KIF26B: variants seen among roughly 807,000 people sequenced by gnomAD.
KIF26B encodes kinesin family member 26B, also known as kinesin-like protein KIF26B.
KIF26B carries 63 observed loss-of-function variants against 151.2 expected under a neutral mutation model. The observed-to-expected ratio is 0.42, with a 90% CI of 0.34 to 0.51. The LOEUF (loss-of-function observed/expected upper bound fraction) is 0.51. Among genes scored for constraint, KIF26B ranks in the 20% least tolerant of loss-of-function variants. The pLI, the probability that KIF26B is intolerant of heterozygous loss-of-function variation, is 0.07. For missense variants in KIF26B, 2,813 were observed against 2,913.6 expected (o/e 0.97, Z 0.79); for synonymous variants, 1,357 against 1,262.1 (o/e 1.08, Z -1.59).
At chr1:245,472,228 G>A (rs148732942) in intron 4 of KIF26B, among the ~76,000 whole-genome samples, 123 of 152,322 alleles carry the variant, frequency 8.1e-4, no homozygotes, top group African/African-American at 2.8e-3. Context: ...TATGTGAGAC[G>A]TACAGAAACA....
chr1:245,622,543 C>T (rs1378058641), intron 9 of KIF26B, among the ~76,000 whole-genome samples: 1 of 152,204 alleles, frequency 6.6e-6, no homozygotes, highest in East Asian at 1.9e-4. Flanking sequence ...TGCAATGGTC[C>T]AGACACACGC....
At chr1:245,685,007 G>A (rs901965281) in intron 11 of KIF26B, among the ~76,000 whole-genome samples, 4 of 152,202 alleles carry the variant, frequency 2.6e-5, no homozygotes, top group Non-Finnish European at 5.9e-5. Flanking sequence ...CAGTGGCAGG[G>A]GCAGCTGCTG....
At chr1:245,634,991 G>A (rs968728238) in intron 9 of KIF26B, among the ~76,000 whole-genome samples, 3 of 151,868 alleles carry the variant, frequency 2.0e-5, no homozygotes, top group African/African-American at 7.3e-5. Context: ...GTAGGAGTAA[G>A]CCACCATGCC....
At chr1:245,691,050 G>A (rs886434786) in intron 12 of KIF26B, among the ~76,000 whole-genome samples, 4 of 152,196 alleles carry the variant, frequency 2.6e-5, no homozygotes, top group East Asian at 1.9e-4. Flanking sequence ...CATCGGCTGC[G>A]TGGCCACGTG....
rs758350105 is a variant in KIF26B at position 245,367,027 on chromosome 1, C to T, written c.659C>T (p.Ser220Phe). The T allele has an allele frequency of 2.5e-6, 4 of 1,611,128 alleles. No individual in the cohort carries two copies. The highest frequency in any genetic ancestry group is 1.3e-5 in the African/African-American group (1 of 74,970). Residue 220 changes from serine to phenylalanine, a missense_variant, in exon 3 of 15, where the codon TCC becomes TTC. By Grantham distance (155) the Ser-to-Phe change is radical. This residue lies in a region of KIF26B where 676 missense variants were observed against 688.1 expected (regional missense o/e 0.98). Transcript: ENST00000407071. This position sits in a 1 kb window ranked among gnomAD's most constrained non-coding sequence, Gnocchi z 4.2. ...GAGCACTACGACGCCTCGCCCTGCTCCCCGCCACCGCTCTCCAACATCCCC... is the reference window on the plus strand; with the variant it reads ...GAGCACTACGACGCCTCGCCCTGCTTCCCGCCACCGCTCTCCAACATCCCC... ...GSEHYDASPC[S>F]PPPLSNIPTL... is the part of the protein sequence containing the mutation.
intron 4 of KIF26B, among the ~76,000 whole-genome samples, chr1:245,489,753 C>T (rs1410198436): frequency 6.6e-6 from 1 of 152,130 alleles, no homozygotes; most frequent in Non-Finnish European, 1.5e-5. Flanking sequence ...TTAATATGGG[C>T]CAGAACACTT....
chr1:245,614,374 C>T (rs2043561922), intron 9 of KIF26B, among the ~76,000 whole-genome samples: 1 of 152,160 alleles, frequency 6.6e-6, no homozygotes, highest in South Asian at 2.1e-4. Context: ...GGAGTTTCAC[C>T]ATATTGGCCA....
At chr1:245,505,994 A>G (rs1478607220) in intron 4 of KIF26B, among the ~76,000 whole-genome samples, 1 of 152,224 alleles carries the variant, frequency 6.6e-6, no homozygotes, top group Non-Finnish European at 1.5e-5. Context: ...AGAGTTTTTC[A>G]TTATTTACAA....
Position 245,585,691 on chromosome 1 carries a change from T to C in KIF26B, c.1351-16886T>C, listed in dbSNP as rs574182241. On this transcript the variant is annotated intron_variant, in intron 5 of 14. Coordinates refer to ENST00000407071, the MANE Select transcript of KIF26B (RefSeq NM_018012.4). ...GAGAGTTCCGAAGCAGATCTGTCTC[T>C]GATTCTTTCCATGAATTCAAATACA... Among the ~76,000 whole-genome samples, 9 of 152,374 alleles carry C rather than the reference T, an allele frequency of 5.9e-5. 1 individual carries two copies. The highest frequency in any genetic ancestry group is 2.2e-4 in the African/African-American group (9 of 41,588).
intron 10 of KIF26B, among the ~76,000 whole-genome samples, chr1:245,662,887 GT>G (rs1322511190): frequency 6.6e-6 from 1 of 150,896 alleles, no homozygotes; most frequent in Non-Finnish European, 1.5e-5. Flanking sequence ...GGCCTTGCTT[GT>G]TTTTTTGTAC....
At chr1:245,348,385 T>TA (rs1202545144) in intron 2 of KIF26B, among the ~76,000 whole-genome samples, 1 of 152,062 alleles carries the variant, frequency 6.6e-6, no homozygotes, top group East Asian at 1.9e-4. Flanking sequence ...CAGGCTGATA[T>TA]AAAAAAACAC....
intron 2 of KIF26B, among the ~76,000 whole-genome samples, chr1:245,256,327 G>A (rs973709222): frequency 1.3e-5 from 2 of 152,188 alleles, no homozygotes; most frequent in Admixed American, 1.3e-4. Flanking sequence ...CTGCAAACAA[G>A]AAGCTGATGT....
intron 3 of KIF26B, among the ~76,000 whole-genome samples, chr1:245,411,238 G>T (rs1674274794): frequency 6.6e-6 from 1 of 152,220 alleles, no homozygotes; most frequent in Non-Finnish European, 1.5e-5. Context: ...CCGCGGTTCT[G>T]GGTAGCTCTG....
In KIF26B at chr1:245,365,818, C is replaced by A. The variant is rs374961716; in HGVS notation, c.466-1016C>A. On this transcript the variant is annotated intron_variant, in intron 2 of 14. Coordinates refer to ENST00000407071, the MANE Select transcript of KIF26B (RefSeq NM_018012.4). ...TGGCGCTGTGGACAGACGAGAGGTTCAGTGAGGTTCAGTGAGTTGTCTGAG... is the reference window on the plus strand; with the variant it reads ...TGGCGCTGTGGACAGACGAGAGGTTAAGTGAGGTTCAGTGAGTTGTCTGAG... Among the ~76,000 whole-genome samples, 31 of 152,192 alleles carry A rather than the reference C, an allele frequency of 2.0e-4. No homozygotes were observed. In the South Asian group the frequency reaches 6.2e-3, roughly 31 times the overall value.
intron 5 of KIF26B, among the ~76,000 whole-genome samples, chr1:245,555,873 T>G (rs543181994): frequency 6.6e-6 from 1 of 152,150 alleles, no homozygotes; most frequent in East Asian, 1.9e-4. Context: ...GACCACTGAT[T>G]TCACAATCAT....
At chr1:245,164,829 T>C (rs903949642) in intron 2 of KIF26B, among the ~76,000 whole-genome samples, 1 of 151,966 alleles carries the variant, frequency 6.6e-6, no homozygotes, top group South Asian at 2.1e-4. Flanking sequence ...TCCCAGAACT[T>C]TGGGAGGCCA....
intron 14 of KIF26B, among the ~76,000 whole-genome samples, chr1:245,701,124 T>TA (rs1385141292): frequency 6.6e-6 from 1 of 152,228 alleles, no homozygotes; most frequent in Non-Finnish European, 1.5e-5. Flanking sequence ...TGCTTCCTTC[T>TA]AGTCTTTGTA....
In KIF26B at chr1:245,659,658, AG is replaced by A. The variant is rs574269862; in HGVS notation, c.2258+13380del. ...GAGAGCTTTTGCACCAGTAGGACAG[AG>A]GAAAAAATGTGCACAAATTAGAGTA... On this transcript the variant is annotated intron_variant, in intron 10 of 14. Coordinates refer to ENST00000407071, the MANE Select transcript of KIF26B (RefSeq NM_018012.4). Among the ~76,000 whole-genome samples the A allele has an allele frequency of 1.1e-4, 16 of 152,330 alleles. No individual in the cohort carries two copies. In the East Asian group the frequency reaches 3.1e-3, roughly 29 times the overall value.
chr1:245,601,352 A>G lies in KIF26B; in HGVS notation c.1351-1225A>G, dbSNP rs1427304546. Among the ~76,000 whole-genome samples the G allele has an allele frequency of 6.6e-6, 1 of 152,186 alleles. No individual in the cohort carries two copies. Among genetic ancestry groups the G allele is most frequent in the Non-Finnish European group, 1.5e-5 (1 of 68,038 alleles). On this transcript the variant is annotated intron_variant, in intron 5 of 14. Coordinates refer to ENST00000407071, the MANE Select transcript of KIF26B (RefSeq NM_018012.4). This position sits in a 1 kb window ranked among gnomAD's most constrained non-coding sequence, Gnocchi z 4.4. ...TCATCGCTCAGCAGAGAGAGTCGAG[A>G]TTGGCAGGAGGATCTCCGTCTTGAA...
Sources: allele counts gnomAD v4.1 joint callset (sites outside exome capture counted in the v4.1 genomes callset), GRCh38; gene constraint gnomAD v4.1.1; regional missense constraint gnomAD v4.1.1; non-coding constraint Gnocchi (gnomAD v3.1); transcripts MANE v1.5; gene names NCBI Gene and HGNC (gene_info 2026-07-23, HGNC 2026-07-21).